The following PPP1R9A variants were observed in gnomAD, a reference collection of about 807,000 sequenced individuals.
PPP1R9A encodes neurabin-1.
A neutral mutation model predicts 141.9 loss-of-function variants in PPP1R9A; 59 were observed. The ratio of observed to expected loss-of-function variants is 0.42; its 90% CI spans 0.34 to 0.52. The LOEUF (loss-of-function observed/expected upper bound fraction) is 0.52, where lower values mean the gene tolerates loss of function less well. Among genes scored for constraint, PPP1R9A ranks in the 20% least tolerant of loss-of-function variants. The pLI is 0.10. For missense variants in PPP1R9A, 1,444 were observed against 1,611.9 expected (o/e 0.90, Z 1.78); for synonymous variants, 500 against 569.7 (o/e 0.88, Z 1.74).
chr7:95,101,342 A>C (rs1329344583), intron 2 of PPP1R9A, among the ~76,000 whole-genome samples: 1 of 152,222 alleles, frequency 6.6e-6, no homozygotes, highest in Non-Finnish European at 1.5e-5. Flanking sequence ...ATATTGCATT[A>C]CTAAATGATC....
At chr7:95,007,842 C>T (rs1173133542) in intron 2 of PPP1R9A, among the ~76,000 whole-genome samples, 1 of 152,076 alleles carries the variant, frequency 6.6e-6, no homozygotes, top group African/African-American at 2.4e-5. Context: ...GAGGCCGAGG[C>T]GGGCGGATCA....
chr7:95,294,804 A>G lies in PPP1R9A; in HGVS notation c.*4501A>G, dbSNP rs1415734358. The G allele has an allele frequency of 6.6e-6, 1 of 152,198 alleles. No homozygotes were observed. The highest frequency in any genetic ancestry group is 1.5e-5 in the Non-Finnish European group (1 of 68,040). 9.4% of individuals were successfully genotyped at this position (152,198 alleles called of 1,614,324 possible). On this transcript the variant is annotated 3_prime_UTR_variant, in exon 20 of 20. Coordinates refer to ENST00000433360, the MANE Select transcript of PPP1R9A (RefSeq NM_001166160.2). ...AAGCATCAAGTTCTATTTATGGTAGACAGAGGGTCCTTATTTGCTTGTCCG... is the reference window on the plus strand; with the variant it reads ...AAGCATCAAGTTCTATTTATGGTAGGCAGAGGGTCCTTATTTGCTTGTCCG...
intron 18 of PPP1R9A, among the ~76,000 whole-genome samples, chr7:95,286,949 T>C (rs1292573791): frequency 2.6e-5 from 4 of 152,154 alleles, no homozygotes; most frequent in Non-Finnish European, 5.9e-5. Flanking sequence ...TCTAACATGA[T>C]TTTTTATTCA....
intron 2 of PPP1R9A, among the ~76,000 whole-genome samples, chr7:95,027,357 A>C (rs892601006): frequency 6.6e-6 from 1 of 151,990 alleles, no homozygotes; most frequent in African/African-American, 2.4e-5. Flanking sequence ...GACCTCTTGC[A>C]CTTCCTGGGT....
At chr7:95,048,695 A>C (rs1197159285) in intron 2 of PPP1R9A, among the ~76,000 whole-genome samples, 3 of 151,888 alleles carry the variant, frequency 2.0e-5, no homozygotes, top group South Asian at 4.2e-4. Flanking sequence ...GGTGCCTGCC[A>C]CCACGCCGAG....
chr7:94,996,205 G>A (rs1802152191), intron 2 of PPP1R9A, among the ~76,000 whole-genome samples: 1 of 152,000 alleles, frequency 6.6e-6, no homozygotes, highest in Non-Finnish European at 1.5e-5. Flanking sequence ...ATAGATAGCT[G>A]AAACTTTAAC....
chr7:95,049,319 A>G (rs1410644497), intron 2 of PPP1R9A, among the ~76,000 whole-genome samples: 1 of 152,202 alleles, frequency 6.6e-6, no homozygotes, highest in African/African-American at 2.4e-5. Flanking sequence ...GGGATAAACC[A>G]CTAATTTGCG....
chr7:95,091,605 A>G lies in PPP1R9A; in HGVS notation c.1396-19654A>G, dbSNP rs779471238. The stretch of plus-strand genomic sequence containing the variant: ...GTGATCTGCCCGTCTTGGCCTCCCA[A>G]AGTGCTGGGATTACAGGCGTGAGCC... On this transcript the variant is annotated intron_variant, in intron 2 of 19. Coordinates refer to ENST00000433360, the MANE Select transcript of PPP1R9A (RefSeq NM_001166160.2). Among the ~76,000 whole-genome samples, 3 of 151,768 alleles carry G rather than the reference A, an allele frequency of 2.0e-5. 1 individual carries two copies. The highest frequency in any genetic ancestry group is 2.0e-4 in the Admixed American group (3 of 15,238).
intron 3 of PPP1R9A, among the ~76,000 whole-genome samples, chr7:95,118,706 T>C (rs1821949363): frequency 6.6e-6 from 1 of 150,988 alleles, no homozygotes; most frequent in Non-Finnish European, 1.5e-5. Context: ...GCCTGGTGAC[T>C]CATATCCATA....
At chr7:95,039,266 C>T (rs1192512565) in intron 2 of PPP1R9A, among the ~76,000 whole-genome samples, 1 of 151,912 alleles carries the variant, frequency 6.6e-6, no homozygotes, top group Non-Finnish European at 1.5e-5. Context: ...GAGTCGAAAA[C>T]TCGAATAAAA....
chr7:94,915,635 T>A (rs933460621), intron 2 of PPP1R9A, among the ~76,000 whole-genome samples: 1 of 152,170 alleles, frequency 6.6e-6, no homozygotes, highest in African/African-American at 2.4e-5. Context: ...AGGAAAGCTA[T>A]GGAGTAAGTT....
chr7:95,041,896 A>C (rs1427584042), intron 2 of PPP1R9A, among the ~76,000 whole-genome samples: 2 of 152,140 alleles, frequency 1.3e-5, no homozygotes, highest in African/African-American at 4.8e-5. Context: ...ATCTATTTGC[A>C]CACTAGGTGG....
In PPP1R9A at chr7:95,281,434, C is replaced by T. The variant is rs528514481; in HGVS notation, c.3297-2584C>T. Reference sequence around the variant, plus strand: ...GAAGCCTCTGGGTATCACCAGAGGCCCAGCTTCTGTGATCTCCTTCACCGC... The same window carrying T: ...GAAGCCTCTGGGTATCACCAGAGGCTCAGCTTCTGTGATCTCCTTCACCGC... On this transcript the variant is annotated intron_variant, in intron 16 of 19. Coordinates refer to ENST00000433360, the MANE Select transcript of PPP1R9A (RefSeq NM_001166160.2). 3.3e-5 allele frequency among the ~76,000 whole-genome samples: 5 copies of T among 152,118 alleles called. 1 individual carries two copies. Among genetic ancestry groups the T allele is most frequent in the African/African-American group, 1.2e-4 (5 of 41,482 alleles).
intron 16 of PPP1R9A, among the ~76,000 whole-genome samples, chr7:95,281,821 A>G (rs551480480): frequency 5.3e-5 from 8 of 152,354 alleles, no homozygotes; most frequent in Middle Eastern, 3.4e-3. Flanking sequence ...CTTTAAAACA[A>G]TATCCATATA....
intron 4 of PPP1R9A, among the ~76,000 whole-genome samples, chr7:95,124,453 C>T (rs543546119): frequency 1.3e-5 from 2 of 152,064 alleles, no homozygotes; most frequent in South Asian, 2.1e-4. Flanking sequence ...TGTTGAATGG[C>T]TCTAGTGTAT....
chr7:94,962,522 T>TA lies in PPP1R9A; in HGVS notation c.1395+51022dup, dbSNP rs61441077. On this transcript the variant is annotated intron_variant, in intron 2 of 19. Coordinates refer to ENST00000433360, the MANE Select transcript of PPP1R9A (RefSeq NM_001166160.2). Reference sequence around the variant, plus strand: ...TTGGATTTCTTTAACCTCTTTCTCATAAAAAAAATCTCACTTTTCTGTTAA... The same window carrying TA: ...TTGGATTTCTTTAACCTCTTTCTCATAAAAAAAAATCTCACTTTTCTGTTAA... Among the ~76,000 whole-genome samples the TA allele has an allele frequency of 7.3e-3, 1,107 of 151,988 alleles. 12 individuals are homozygous for TA. Among genetic ancestry groups the TA allele is most frequent in the African/African-American group, 0.025 (1,032 of 41,488 alleles).
chr7:95,081,035 CAA>C (rs1228630474), intron 2 of PPP1R9A, among the ~76,000 whole-genome samples: 1 of 152,064 alleles, frequency 6.6e-6, no homozygotes, highest in African/African-American at 2.4e-5. Flanking sequence ...AGCTCAAAGA[CAA>C]AGAATAAGAC....
At chr7:95,103,996 A>G (rs1323642350) in intron 2 of PPP1R9A, among the ~76,000 whole-genome samples, 1 of 152,194 alleles carries the variant, frequency 6.6e-6, no homozygotes, top group African/African-American at 2.4e-5. Flanking sequence ...TCCACACACT[A>G]GGATTAGTAA....
At chr7:95,268,243 A>C (rs974580188) in intron 12 of PPP1R9A, among the ~76,000 whole-genome samples, 1 of 152,152 alleles carries the variant, frequency 6.6e-6, no homozygotes, top group Non-Finnish European at 1.5e-5. Flanking sequence ...CCCAACATGC[A>C]TACACATAAA....
Sources: allele counts gnomAD v4.1 joint callset (sites outside exome capture counted in the v4.1 genomes callset), GRCh38; gene constraint gnomAD v4.1.1; transcripts MANE v1.5; gene names NCBI Gene and HGNC (gene_info 2026-07-23, HGNC 2026-07-21).